Variants in SDHAF3 observed in about 807,000 individuals in gnomAD.
SDHAF3 encodes succinate dehydrogenase assembly factor 3, mitochondrial.
A neutral mutation model predicts 11.5 loss-of-function variants in SDHAF3; 18 were observed. The observed-to-expected ratio is 1.56, with a 90% CI of 1.08 to 2.32. The LOEUF (loss-of-function observed/expected upper bound fraction) is 2.32. Ranked by LOEUF, SDHAF3 falls within the 30% of genes most tolerant of loss-of-function variation. SDHAF3 has a pLI of 0.00. For synonymous variants in SDHAF3, 72 were observed against 59.3 expected, an observed-to-expected ratio of 1.21 and a Z score of -0.99; for missense variants, 200 against 154.4, an observed-to-expected ratio of 1.30 and a Z score of -1.57.
intron 1 of SDHAF3, among the ~76,000 whole-genome samples, chr7:97,120,282 A>G (rs560615604): frequency 1.3e-5 from 2 of 152,284 alleles, no homozygotes; most frequent in African/African-American, 4.8e-5. Flanking sequence ...ATCTCTTTGT[A>G]TAACATAATT....
rs549147700 is a variant in SDHAF3, at chr7:97,128,246, C to T, written c.174+10349C>T. On this transcript the variant is annotated intron_variant, in intron 1 of 1. Coordinates refer to ENST00000432641, the MANE Select transcript of SDHAF3 (RefSeq NM_020186.3). ...AAGGGGTACAAGAGAAGATACAAAA[C>T]AGTTTATCCTTGCAACATAGAATGT... Among the ~76,000 whole-genome samples, 6 of 152,286 alleles carry T rather than the reference C, an allele frequency of 3.9e-5. No homozygotes were observed. The East Asian group carries it at 9.6e-4, about 24-fold the overall frequency.
intron 1 of SDHAF3, among the ~76,000 whole-genome samples, chr7:97,163,657 G>A (rs1455050417): frequency 6.6e-6 from 1 of 152,058 alleles, no homozygotes; most frequent in Non-Finnish European, 1.5e-5. Flanking sequence ...TAACATTTGA[G>A]GTTAATATAT....
intron 1 of SDHAF3, among the ~76,000 whole-genome samples, chr7:97,147,426 A>G (rs1789152942): frequency 6.6e-6 from 1 of 152,200 alleles, no homozygotes; most frequent in African/African-American, 2.4e-5. Context: ...TTATTTGTCC[A>G]GTACTTTGAT....
At chr7:97,155,990 T>C (rs1003675732) in intron 1 of SDHAF3, among the ~76,000 whole-genome samples, 25 of 152,190 alleles carry the variant, frequency 1.6e-4, no homozygotes, top group African/African-American at 5.8e-4. Context: ...TTAAAAAGTA[T>C]GGTACGTGTG....
At chr7:97,163,078 T>C (rs746457151) in intron 1 of SDHAF3, among the ~76,000 whole-genome samples, 1 of 152,150 alleles carries the variant, frequency 6.6e-6, no homozygotes, top group Non-Finnish European at 1.5e-5. Flanking sequence ...GGTGCATATA[T>C]ATTTAAGATA....
intron 1 of SDHAF3, among the ~76,000 whole-genome samples, chr7:97,121,481 G>T (rs764384253): frequency 1.3e-5 from 2 of 152,166 alleles, no homozygotes; most frequent in Non-Finnish European, 2.9e-5. Flanking sequence ...TGTGTCTGTT[G>T]TGGAATATTT....
rs1348468234 is a variant in SDHAF3, at chr7:97,117,826, G to A, written c.103G>A (p.Val35Met). Residue 35 changes from valine (V) to methionine (M), a missense_variant, in exon 1 of 2, where the codon GTG becomes ATG. Transcript: ENST00000432641. ...PDLKSLGDQYVKDEFRRHKTV... is the reference protein window; with the variant it reads ...PDLKSLGDQYMKDEFRRHKTV... The stretch of plus-strand genomic sequence containing the variant: ...CCTCAAATCCCTGGGCGACCAGTAC[G>A]TGAAAGACGAATTTAGGAGACATAA... 3.7e-6 allele frequency: 6 copies of A among 1,614,188 alleles called. No homozygotes were observed. In the South Asian group the frequency reaches 4.4e-5, roughly 12 times the overall value.
intron 1 of SDHAF3, among the ~76,000 whole-genome samples, chr7:97,175,050 T>C (rs1219634747): frequency 2.0e-5 from 3 of 152,170 alleles, no homozygotes; most frequent in Admixed American, 1.3e-4. Flanking sequence ...TTTGGTAATA[T>C]GTACTAATAT....
At chr7:97,151,503 C>CT (rs61092979) in intron 1 of SDHAF3, among the ~76,000 whole-genome samples, 137,451 of 141,238 alleles carry the variant, frequency 0.97, 66,925 homozygotes, top group South Asian at 1. Flanking sequence ...ACCTTTAGTC[C>CT]TTTTTTTTTT....
chr7:97,170,003 G>A (rs1789581009), intron 1 of SDHAF3, among the ~76,000 whole-genome samples: 1 of 151,848 alleles, frequency 6.6e-6, no homozygotes, highest in South Asian at 2.1e-4. Context: ...TCATCCTTAG[G>A]TATTACAGTT....
chr7:97,162,124 T>C (rs1789423168), intron 1 of SDHAF3, among the ~76,000 whole-genome samples: 2 of 152,220 alleles, frequency 1.3e-5, no homozygotes, highest in Non-Finnish European at 1.5e-5. Flanking sequence ...ATCATCGCCA[T>C]TCTAACTGGA....
intron 1 of SDHAF3, among the ~76,000 whole-genome samples, chr7:97,148,972 C>T (rs1191407732): frequency 6.6e-6 from 1 of 150,394 alleles, no homozygotes; most frequent in Non-Finnish European, 1.5e-5. Flanking sequence ...CTCTGTCTCA[C>T]AGGCTGGAGT....
At chr7:97,180,625 A>G (rs935640982) in intron 1 of SDHAF3, among the ~76,000 whole-genome samples, 14 of 152,166 alleles carry the variant, frequency 9.2e-5, no homozygotes, top group African/African-American at 3.4e-4. Flanking sequence ...AGTTGGGGGA[A>G]AAAAGACCCA....
chr7:97,126,216 C>T (rs756487903), intron 1 of SDHAF3, among the ~76,000 whole-genome samples: 1 of 152,180 alleles, frequency 6.6e-6, no homozygotes, highest in Non-Finnish European at 1.5e-5. Flanking sequence ...CCAGAGCTCT[C>T]CTGTATGAGG....
At chr7:97,151,166 G>A (rs532667401) in intron 1 of SDHAF3, among the ~76,000 whole-genome samples, 20 of 152,248 alleles carry the variant, frequency 1.3e-4, no homozygotes, top group Non-Finnish European at 2.2e-4. Context: ...TGCACACTCC[G>A]AAGTTTCTGT....
intron 1 of SDHAF3, among the ~76,000 whole-genome samples, chr7:97,140,699 A>G (rs935703909): frequency 6.6e-6 from 1 of 152,044 alleles, no homozygotes; most frequent in Non-Finnish European, 1.5e-5. Context: ...GTGATTTCCA[A>G]TGCCTGTCTT....
chr7:97,136,264 A>G (rs1046498047), intron 1 of SDHAF3: 4 of 462,778 alleles, frequency 8.6e-6, no homozygotes, highest in African/African-American at 1.9e-5. Context: ...ACTTTTAGGT[A>G]TATTGGCAAA....
At chr7:97,135,445 G>A (rs1246757649) in intron 1 of SDHAF3, 1 of 151,952 alleles carries the variant, frequency 6.6e-6, no homozygotes, top group East Asian at 1.9e-4. Context: ...TTAAAAACCT[G>A]CAACACTAAT....
intron 1 of SDHAF3, among the ~76,000 whole-genome samples, chr7:97,147,774 C>T (rs924621451): frequency 5.3e-5 from 8 of 152,142 alleles, no homozygotes; most frequent in African/African-American, 1.9e-4. Flanking sequence ...GTGTACGCAC[C>T]ACCAATTGCA....
Sources: gnomAD v4.1 joint callset for allele counts (sites outside exome capture counted in the v4.1 genomes callset) on GRCh38, gnomAD v4.1.1 for gene constraint, MANE v1.5 for transcripts, NCBI Gene and HGNC (gene_info 2026-07-23, HGNC 2026-07-21) for gene names.